The following PIR variants were observed in gnomAD, a reference collection of about 807,000 sequenced individuals.
The protein encoded by PIR is pirin, also known as pirin (iron-binding nuclear protein).
Under a neutral mutation model 24.2 loss-of-function variants are expected in PIR, and 22 were observed. The ratio of observed to expected loss-of-function variants is 0.91; its 90% CI spans 0.65 to 1.30. The LOEUF (loss-of-function observed/expected upper bound fraction) is 1.30. Among genes scored for constraint, PIR ranks in the 50% most tolerant of loss-of-function variants. The pLI is 0.00. For missense variants in PIR, 220 were observed against 220.3 expected (o/e 1.00, Z 0.01); for synonymous variants, 80 against 79.6 (o/e 1.00, Z -0.03).
chrX:15,395,035 G>C (rs1223709773), intron 8 of PIR, among the ~76,000 whole-genome samples: 4 of 111,838 alleles, frequency 3.6e-5, no homozygotes, highest in Non-Finnish European at 5.6e-5. Flanking sequence ...CAAAAAATCA[G>C]CTTCTCATTC....
At chrX:15,487,138 G>C (rs1279848514) in intron 2 of PIR, among the ~76,000 whole-genome samples, 1 of 111,506 alleles carries the variant, frequency 9.0e-6, no homozygotes, top group Non-Finnish European at 1.9e-5. Context: ...ACATATCCTA[G>C]ACTGAGATCT....
chrX:15,449,544 G>A (rs1447892902), intron 5 of PIR, among the ~76,000 whole-genome samples: 1 of 111,787 alleles, frequency 8.9e-6, no homozygotes, highest in African/African-American at 3.3e-5. Context: ...AACATAAATT[G>A]CATCATCAAA....
intron 2 of PIR, 26 bp from the exon 3 acceptor site, chrX:15,479,847 T>G (rs1922407752): frequency 5.7e-6 from 5 of 880,963 alleles, no homozygotes; most frequent in Non-Finnish European, 8.2e-6. Context: ...AATTTGCAGA[T>G]TAGATATGTC....
intron 3 of PIR, among the ~76,000 whole-genome samples, chrX:15,466,443 C>A (rs964250929): frequency 2.7e-5 from 3 of 112,025 alleles, no homozygotes; most frequent in African/African-American, 9.8e-5. Flanking sequence ...CAGAGACTCC[C>A]GCCACTCTGC....
intron 5 of PIR, among the ~76,000 whole-genome samples, chrX:15,441,812 G>C (rs1012309738): frequency 2.1e-4 from 23 of 111,463 alleles, no homozygotes; most frequent in Non-Finnish European, 3.6e-4. Context: ...CTCTGAAGAA[G>C]ATGCCTGTGA....
intron 7 of PIR, among the ~76,000 whole-genome samples, chrX:15,398,671 T>G (rs112792655): frequency 1.2e-3 from 102 of 82,077 alleles, no homozygotes; most frequent in African/African-American, 4.3e-3. Flanking sequence ...GGAGGGAGGG[T>G]GTGTGTGTGT....
chrX:15,456,019 C>T lies in PIR; in HGVS notation c.309G>A (p.Glu103=), dbSNP rs1259250824. Residue 103 remains glutamate, a synonymous_variant, in exon 5 of 10, where the codon GAG becomes GAA. Coordinates refer to ENST00000380420, the MANE Select transcript of PIR (RefSeq NM_001018109.3). The stretch of plus-strand genomic sequence containing the variant: ...GGGCTGGCTCCTCTGAGCAAGGCAT[C>T]TCAGCGTGCAGAATGCCCCGGCCCG... ...MTAGRGILHA[E]MPCSEEPAHG... The T allele has an allele frequency of 2.5e-6, 3 of 1,209,873 alleles. No individual in the cohort carries two copies. In the African/African-American group the frequency reaches 5.2e-5, roughly 21 times the overall value.
chrX:15,470,767 A>G (rs1459879848), intron 3 of PIR, among the ~76,000 whole-genome samples: 1 of 108,959 alleles, frequency 9.2e-6, no homozygotes, highest in Non-Finnish European at 1.9e-5. Flanking sequence ...ACGCCCAGCT[A>G]ATTTTTTGTA....
intron 5 of PIR, among the ~76,000 whole-genome samples, chrX:15,427,944 G>A (rs1925374609): frequency 9.0e-6 from 1 of 110,665 alleles, no homozygotes; most frequent in Non-Finnish European, 1.9e-5. Context: ...AATTTGGTAT[G>A]GTCAAAATAT....
intron 7 of PIR, among the ~76,000 whole-genome samples, chrX:15,398,988 G>C (rs1192838163): frequency 9.0e-6 from 1 of 111,714 alleles, no homozygotes; most frequent in Non-Finnish European, 1.9e-5. Flanking sequence ...GTGACTTGAA[G>C]ATTGCAAGAG....
At chrX:15,392,742 GTC>G (rs1425845915) in intron 8 of PIR, among the ~76,000 whole-genome samples, 1 of 111,958 alleles carries the variant, frequency 8.9e-6, no homozygotes, top group Non-Finnish European at 1.9e-5. Flanking sequence ...ATTTTAAAAA[GTC>G]TCTGTTTAAC....
intron 3 of PIR, among the ~76,000 whole-genome samples, chrX:15,473,559 T>C (rs1922038361): frequency 8.9e-6 from 1 of 111,805 alleles, no homozygotes; most frequent in Non-Finnish European, 1.9e-5. Context: ...TATTTATTTA[T>C]TTATTTATCT....
At position 15,438,994 on chromosome X, in the gene PIR, T is replaced by C. The variant is rs146035755; in HGVS notation, c.481-13004A>G. Among the ~76,000 whole-genome samples the C allele has an allele frequency of 5.4e-5, 6 of 111,830 alleles. No homozygotes were observed. In the East Asian group the frequency reaches 1.7e-3, roughly 31 times the overall value. On this transcript the variant is annotated intron_variant, in intron 5 of 9. Coordinates refer to ENST00000380420, the MANE Select transcript of PIR (RefSeq NM_001018109.3). ...TGGAAGATGTGGGGCAACAGACAAA[T>C]TCTTGCTCCCTTAGAAAGTTCTGAG... is the stretch of plus-strand genomic sequence containing the variant.
At chrX:15,388,188 C>T (rs1437109932) in intron 9 of PIR, among the ~76,000 whole-genome samples, 1 of 112,482 alleles carries the variant, frequency 8.9e-6, no homozygotes, top group African/African-American at 3.2e-5. Context: ...AATTAAGCCT[C>T]TGAAGCCCCC....
intron 3 of PIR, among the ~76,000 whole-genome samples, chrX:15,466,205 A>T (rs1253656074): frequency 9.0e-6 from 1 of 111,362 alleles, no homozygotes; most frequent in East Asian, 2.8e-4. Flanking sequence ...AAATGTTTTC[A>T]TGACTTGAGT....
At chrX:15,473,135 T>C (rs1922010933) in intron 3 of PIR, among the ~76,000 whole-genome samples, 1 of 112,456 alleles carries the variant, frequency 8.9e-6, no homozygotes, top group Admixed American at 9.4e-5. Flanking sequence ...TAAGCCATGC[T>C]ATTGGACACA....
At chrX:15,488,967 C>A (rs1923020017) in intron 2 of PIR, among the ~76,000 whole-genome samples, 1 of 111,142 alleles carries the variant, frequency 9.0e-6, no homozygotes, top group South Asian at 3.8e-4. Context: ...TTAACCATTT[C>A]AAGAGTACAG....
chrX:15,467,169 G>A (rs1211013679), intron 3 of PIR, among the ~76,000 whole-genome samples: 1 of 112,469 alleles, frequency 8.9e-6, no homozygotes, highest in Non-Finnish European at 1.9e-5. Flanking sequence ...CAAAGCATCT[G>A]ATCCTGGAAA....
chrX:15,428,761 G>A (rs1165450694), intron 5 of PIR, among the ~76,000 whole-genome samples: 3 of 111,174 alleles, frequency 2.7e-5, no homozygotes, highest in Non-Finnish European at 3.8e-5. Flanking sequence ...TGCCCGCCTC[G>A]GCTTCCCAAA....
Sources: gnomAD v4.1 joint callset for allele counts (sites outside exome capture counted in the v4.1 genomes callset) on GRCh38, gnomAD v4.1.1 for gene constraint, MANE v1.5 for transcripts, NCBI Gene and HGNC (gene_info 2026-07-23, HGNC 2026-07-21) for gene names.